Variants in KCNK2 observed in about 807,000 individuals in gnomAD.
KCNK2 encodes the protein potassium channel subfamily K member 2.
A neutral mutation model predicts 40.5 loss-of-function variants in KCNK2; 21 were observed. The ratio of observed to expected loss-of-function variants is 0.52; its 90% CI spans 0.37 to 0.75. The LOEUF is 0.75. KCNK2 is among the 30% of genes least tolerant of loss of function. The pLI is 0.00. For synonymous variants in KCNK2, 191 were observed against 202.2 expected, an observed-to-expected ratio of 0.94 and a Z score of 0.47; for missense variants, 399 against 531.6, an observed-to-expected ratio of 0.75 and a Z score of 2.45.
chr1:215,068,590 A>G (rs1658639437), intron 1 of KCNK2, among the ~76,000 whole-genome samples: 1 of 152,132 alleles, frequency 6.6e-6, no homozygotes, highest in African/African-American at 2.4e-5. Context: ...CAAAAATATA[A>G]TTTATTCTAT....
At chr1:215,168,364 A>G (rs1315405867) in intron 3 of KCNK2, among the ~76,000 whole-genome samples, 1 of 152,242 alleles carries the variant, frequency 6.6e-6, no homozygotes. Context: ...TATATACCCA[A>G]AGGATTATAA....
chr1:215,150,537 A>G (rs1190147704), intron 3 of KCNK2, among the ~76,000 whole-genome samples: 1 of 152,110 alleles, frequency 6.6e-6, no homozygotes, highest in Non-Finnish European at 1.5e-5. Context: ...ATCCCATTCT[A>G]CACTAGCTCA....
At chr1:215,100,640 T>C (rs1326126477) in intron 2 of KCNK2, among the ~76,000 whole-genome samples, 4 of 152,012 alleles carry the variant, frequency 2.6e-5, no homozygotes, top group Non-Finnish European at 4.4e-5. Flanking sequence ...GGTTCTGATG[T>C]TCCTATTGTA....
chr1:215,083,439 C>G lies in KCNK2; in HGVS notation c.46+8C>G. The G allele has an allele frequency of 6.2e-7, 1 of 1,607,272 alleles. No individual in the cohort carries two copies. The highest frequency in any genetic ancestry group is 8.5e-7 in the Non-Finnish European group (1 of 1,174,278). ...CCGGCTATAGAGCAGGAGGTGAGAC[C>G]CCCCCTCCGGTACCCCCACCCCTCT... On this transcript the variant is annotated splice_region_variant and intron_variant, in intron 1 of 6. Transcript: ENST00000444842.
At chr1:215,191,752 T>C (rs1213898897) in intron 5 of KCNK2, among the ~76,000 whole-genome samples, 1 of 152,202 alleles carries the variant, frequency 6.6e-6, no homozygotes, top group Non-Finnish European at 1.5e-5. Flanking sequence ...CAGAAAGCTC[T>C]TAAAATGGAA....
In KCNK2 at chr1:215,053,914, C is replaced by G. The variant is rs537178888; in HGVS notation, c.35-32454C>G. Among the ~76,000 whole-genome samples the G allele has an allele frequency of 2.0e-5, 3 of 152,314 alleles. No individual in the cohort carries two copies. In the East Asian group the frequency reaches 5.8e-4, roughly 29 times the overall value. ...GCCGGGAGGCGGAGGTTGCAGTGAG[C>G]CAAGACAGCACCCCTGCACTCCGGC... On this transcript the variant is annotated intron_variant, in intron 1 of 6. Transcript: ENST00000391895.
At chr1:215,200,742 G>C (rs928475372) in intron 6 of KCNK2, among the ~76,000 whole-genome samples, 1 of 152,184 alleles carries the variant, frequency 6.6e-6, no homozygotes, top group South Asian at 2.1e-4. Context: ...ACATATTTGG[G>C]GGATAAAAGG....
At chr1:215,086,796 C>A in intron 2 of KCNK2, 118 bp downstream of exon 2, 1 of 849,288 alleles carries the variant, frequency 1.2e-6, no homozygotes, top group Non-Finnish European at 1.9e-6. Flanking sequence ...TATCCCACCT[C>A]ATTTGCCTTA....
chr1:215,224,184 G>C (rs1666294365), intron 6 of KCNK2, among the ~76,000 whole-genome samples: 1 of 151,962 alleles, frequency 6.6e-6, no homozygotes, highest in Non-Finnish European at 1.5e-5. Flanking sequence ...GAACCTCCTG[G>C]GTATTAGCTA....
chr1:215,145,280 T>C (rs756263866), intron 3 of KCNK2, among the ~76,000 whole-genome samples: 2 of 152,172 alleles, frequency 1.3e-5, no homozygotes, highest in Non-Finnish European at 2.9e-5. Context: ...TGTTATATTA[T>C]GTATTCCTTT....
In KCNK2 at chr1:215,074,081, G is replaced by C. The variant is rs150805124; in HGVS notation, c.35-12287G>C. ...AGAGGTGACTGAGGTAATGGTGGTGGCAGTCTTGCCTTGATCACTTTGTAC... is the reference window on the plus strand; with the variant it reads ...AGAGGTGACTGAGGTAATGGTGGTGCCAGTCTTGCCTTGATCACTTTGTAC... On this transcript the variant is annotated intron_variant, in intron 1 of 6. Transcript: ENST00000391895. Among the ~76,000 whole-genome samples the C allele has an allele frequency of 7.5e-3, 1,146 of 152,264 alleles. 18 individuals are homozygous for C. The highest frequency in any genetic ancestry group is 0.026 in the African/African-American group (1,076 of 41,524).
rs574587383 is a variant in KCNK2 at position 215,129,552 on chromosome 1, C to A, written c.475+4802C>A. ...CTGAGGAGGTGACATTTAAGCTGAA[C>A]CCTGAATGATGAAAATAAATCAGCT... On this transcript the variant is annotated intron_variant, in intron 3 of 6. Coordinates refer to ENST00000444842, the MANE Select transcript of KCNK2 (RefSeq NM_001017425.3). 3.9e-5 allele frequency among the ~76,000 whole-genome samples: 6 copies of A among 152,106 alleles called. No homozygotes were observed. In the South Asian group the frequency reaches 1.2e-3, roughly 32 times the overall value.
At chr1:215,182,564 T>TGCA (rs778806701) in intron 5 of KCNK2, among the ~76,000 whole-genome samples, 37 of 152,186 alleles carry the variant, frequency 2.4e-4, no homozygotes, top group Non-Finnish European at 2.6e-4. Flanking sequence ...CAAGAGAAAC[T>TGCA]GCAGCAGCAG....
chr1:215,147,437 C>A (rs1662473700), intron 3 of KCNK2, among the ~76,000 whole-genome samples: 1 of 152,122 alleles, frequency 6.6e-6, no homozygotes, highest in South Asian at 2.1e-4. Context: ...AAGATATTGT[C>A]TTGTAATTAG....
At chr1:215,110,398 A>G (rs1660628994) in intron 2 of KCNK2, among the ~76,000 whole-genome samples, 1 of 152,148 alleles carries the variant, frequency 6.6e-6, no homozygotes. Flanking sequence ...TGTATAGTGT[A>G]AGCTAAGGGT....
chr1:215,145,277 T>C (rs1481266848), intron 3 of KCNK2, among the ~76,000 whole-genome samples: 1 of 152,172 alleles, frequency 6.6e-6, no homozygotes, highest in African/African-American at 2.4e-5. Flanking sequence ...GTTTGTTATA[T>C]TATGTATTCC....
intron 2 of KCNK2, among the ~76,000 whole-genome samples, chr1:215,107,385 TA>T (rs1660480074): frequency 6.6e-6 from 1 of 152,076 alleles, no homozygotes; most frequent in Non-Finnish European, 1.5e-5. Flanking sequence ...ATTGCAGGAT[TA>T]TATGGTAGTT....
At chr1:215,049,019 A>G (rs1450488091) in intron 1 of KCNK2, among the ~76,000 whole-genome samples, 1 of 152,196 alleles carries the variant, frequency 6.6e-6, no homozygotes, top group Non-Finnish European at 1.5e-5. Context: ...ATGTGGAAGA[A>G]TGCAATTGCT....
intron 3 of KCNK2, among the ~76,000 whole-genome samples, chr1:215,158,807 A>AAGGC (rs1303443058): frequency 6.6e-6 from 1 of 152,182 alleles, no homozygotes; most frequent in Non-Finnish European, 1.5e-5. Context: ...TGACCTGGAG[A>AAGGC]AGGCAATAAA....
Sources: allele counts gnomAD v4.1 joint callset (sites outside exome capture counted in the v4.1 genomes callset), GRCh38; gene constraint gnomAD v4.1.1; transcripts MANE v1.5; gene names NCBI Gene and HGNC (gene_info 2026-07-23, HGNC 2026-07-21).